Variants in TULP3 observed in about 807,000 individuals in gnomAD.
TULP3 encodes the protein tubby-related protein 3.
Under a neutral mutation model 50.7 loss-of-function variants are expected in TULP3, and 38 were observed. The observed-to-expected ratio is 0.75, with a 90% CI of 0.58 to 0.98. The LOEUF (loss-of-function observed/expected upper bound fraction) is 0.98, where lower values mean the gene tolerates loss of function less well. TULP3 is among the 50% of genes least tolerant of loss of function. The probability of loss-of-function intolerance (pLI) is 0.00; values close to 1 mark genes in which losing one functional copy is unlikely to be tolerated. For synonymous variants in TULP3, 183 were observed against 196.6 expected (o/e 0.93, Z 0.58); for missense variants, 550 against 568.0 (o/e 0.97, Z 0.32).
chr12:2,905,587 A>G (rs1222135868), intron 1 of TULP3, among the ~76,000 whole-genome samples: 1 of 152,200 alleles, frequency 6.6e-6, no homozygotes, highest in East Asian at 1.9e-4. Context: ...TTTGATATAT[A>G]GGAGACTTGT....
At chr12:2,893,957 C>T (rs773239062) in intron 1 of TULP3, among the ~76,000 whole-genome samples, 1 of 151,924 alleles carries the variant, frequency 6.6e-6, no homozygotes, top group Non-Finnish European at 1.5e-5. Context: ...TTTCTTATAT[C>T]AGAAATGTTT....
intron 8 of TULP3, among the ~76,000 whole-genome samples, chr12:2,937,278 G>A (rs1359604714): frequency 7.8e-6 from 1 of 128,138 alleles, no homozygotes; most frequent in Non-Finnish European, 1.6e-5. Flanking sequence ...GTGCAACGGC[G>A]TGATCTCGGC....
rs71057864 is a variant in TULP3 at position 2,927,366 on chromosome 12, A to ATTTTTTT, written c.395-2870_395-2864dup. On this transcript the variant is annotated intron_variant, in intron 4 of 10. Coordinates refer to ENST00000448120, the MANE Select transcript of TULP3 (RefSeq NM_003324.5). The stretch of plus-strand genomic sequence containing the variant: ...GGACCTATGTTTTCAGTTGAGACTG[A>ATTTTTTT]TTTTTTTTTTTTTTTTTTGAGACCA... Among the ~76,000 whole-genome samples, 7 of 105,186 alleles carry ATTTTTTT rather than the reference A, an allele frequency of 6.7e-5. 1 individual carries two copies. Among genetic ancestry groups the ATTTTTTT allele is most frequent in the East Asian group, 3.1e-4 (1 of 3,220 alleles). 69.0% of individuals were successfully genotyped at this position (105,186 alleles called of 152,430 possible). A position where few individuals can be genotyped will look rare whatever the true frequency, so the allele number is the denominator to read the frequency against.
intron 1 of TULP3, among the ~76,000 whole-genome samples, chr12:2,895,721 G>A (rs2098175170): frequency 6.6e-6 from 1 of 152,174 alleles, no homozygotes; most frequent in South Asian, 2.1e-4. Flanking sequence ...TGATGGGGAT[G>A]CATTCTGAGA....
rs985613009 is a variant in TULP3 at position 2,890,902 on chromosome 12, G to C, written c.-46G>C. 1 of 1,543,196 alleles carries C rather than the reference G, an allele frequency of 6.5e-7. No individual in the cohort carries two copies. The highest frequency in any genetic ancestry group is 1.4e-5 in the African/African-American group (1 of 71,942). ...GTGCCAGCCTAGCCACTCTAGCGAC[G>C]GCGGGGAAGAGTGTGTACGTGGTGG... On this transcript the variant is annotated 5_prime_UTR_variant, in exon 1 of 11. Coordinates refer to ENST00000448120, the MANE Select transcript of TULP3 (RefSeq NM_003324.5).
At chr12:2,938,731 T>C (rs142069177) in intron 10 of TULP3, among the ~76,000 whole-genome samples, 8,279 of 151,756 alleles carry the variant, frequency 0.055, 722 homozygotes, top group African/African-American at 0.19. Context: ...TGCAGTGAGC[T>C]GAGATTGCAT....
intron 4 of TULP3, among the ~76,000 whole-genome samples, chr12:2,927,830 A>G (rs1029133218): frequency 1.2e-4 from 18 of 152,216 alleles, no homozygotes; most frequent in Admixed American, 1.1e-3. Flanking sequence ...CTGTAAATCT[A>G]TGATTCAAGG....
At chr12:2,911,934 G>A (rs1005389607) in intron 2 of TULP3, among the ~76,000 whole-genome samples, 3 of 151,296 alleles carry the variant, frequency 2.0e-5, no homozygotes, top group African/African-American at 7.3e-5. Context: ...GTTCAGTCTG[G>A]GCAACACAGC....
chr12:2,931,816 T>A (rs1036586554), intron 6 of TULP3, among the ~76,000 whole-genome samples: 2 of 152,176 alleles, frequency 1.3e-5, no homozygotes, highest in Non-Finnish European at 2.9e-5. Context: ...CACCATTTAT[T>A]GAGTGTTTAC....
chr12:2,903,887 G>A (rs375063738), intron 1 of TULP3, among the ~76,000 whole-genome samples: 65 of 152,068 alleles, frequency 4.3e-4, no homozygotes, highest in African/African-American at 1.4e-3. Context: ...GGGTTCAAGC[G>A]ATTCTGTAGC....
At chr12:2,922,440 T>G (rs1359480106) in intron 4 of TULP3, 38 bp downstream of exon 4, 2 of 1,590,994 alleles carry the variant, frequency 1.3e-6, no homozygotes, top group Non-Finnish European at 1.7e-6. Context: ...ATTTGTCTCC[T>G]TACTCAATTG....
At chr12:2,917,604 A>G (rs1186742765) in intron 2 of TULP3, among the ~76,000 whole-genome samples, 3 of 152,122 alleles carry the variant, frequency 2.0e-5, no homozygotes, top group Non-Finnish European at 2.9e-5. Flanking sequence ...TTGGCCAGGT[A>G]CGGTGGCTCA....
intron 2 of TULP3, among the ~76,000 whole-genome samples, chr12:2,915,578 C>T (rs1398342212): frequency 8.2e-5 from 12 of 146,336 alleles, no homozygotes; most frequent in East Asian, 4.0e-4. Context: ...CTCGTTCTGT[C>T]GCCAGGCTGG....
At chr12:2,911,509 C>T (rs1409148053) in intron 2 of TULP3, among the ~76,000 whole-genome samples, 2 of 143,152 alleles carry the variant, frequency 1.4e-5, no homozygotes, top group South Asian at 2.3e-4. Flanking sequence ...CCTGCCACCA[C>T]GCCAGGCTAA....
chr12:2,933,599 C>T (rs1054036578), intron 7 of TULP3, 69 bp downstream of exon 7: 1 of 923,338 alleles, frequency 1.1e-6, no homozygotes, highest in African/African-American at 1.7e-5. Flanking sequence ...CAGAACAGTC[C>T]TTATCTTGGT....
intron 1 of TULP3, among the ~76,000 whole-genome samples, chr12:2,906,807 T>C (rs1193430093): frequency 3.3e-5 from 5 of 151,266 alleles, no homozygotes; most frequent in Non-Finnish European, 7.4e-5. Flanking sequence ...TCCCAGCTGC[T>C]GAGGAGGCTG....
At chr12:2,904,230 T>C (rs1233917294) in intron 1 of TULP3, among the ~76,000 whole-genome samples, 1 of 152,332 alleles carries the variant, frequency 6.6e-6, no homozygotes, top group Non-Finnish European at 1.5e-5. Flanking sequence ...TTTTTTGGTG[T>C]CCGTAAATAA....
intron 1 of TULP3, among the ~76,000 whole-genome samples, chr12:2,891,899 T>G (rs544611994): frequency 5.3e-5 from 8 of 151,552 alleles, no homozygotes; most frequent in Non-Finnish European, 1.0e-4. Context: ...TAGAAAAAAA[T>G]AAAATAAAAT....
Position 2,899,416 on chromosome 12 carries a change from A to G in TULP3, c.41+8428A>G, listed in dbSNP as rs565276023. On this transcript the variant is annotated intron_variant, in intron 1 of 10. Coordinates refer to ENST00000448120, the MANE Select transcript of TULP3 (RefSeq NM_003324.5). ...GCAGTACAAAAACTGACGGCAGGCC[A>G]GATTTGGCCCACACGCTATAGTTTG... 9.2e-5 allele frequency among the ~76,000 whole-genome samples: 14 copies of G among 151,656 alleles called. No individual in the cohort carries two copies. The South Asian group carries it at 2.9e-3, about 32-fold the overall frequency.
Sources: gnomAD v4.1 joint callset for allele counts (sites outside exome capture counted in the v4.1 genomes callset) on GRCh38, gnomAD v4.1.1 for gene constraint, MANE v1.5 for transcripts, NCBI Gene and HGNC (gene_info 2026-07-23, HGNC 2026-07-21) for gene names.